LRRK2: variants seen among roughly 807,000 people sequenced by gnomAD.
LRRK2 encodes the protein leucine rich repeat kinase 2.
In LRRK2, 203 loss-of-function variants were observed where a neutral mutation model predicts 302.6. The ratio of observed to expected loss-of-function variants is 0.67; its 90% CI spans 0.60 to 0.75. The LOEUF is 0.75. Ranked by LOEUF, LRRK2 falls within the 30% of genes least tolerant of loss-of-function variation. The pLI is 0.00. For synonymous variants in LRRK2, 1,066 were observed against 1,031.9 expected (o/e 1.03, Z -0.63); for missense variants, 2,830 against 2,951.0 (o/e 0.96, Z 0.95).
In LRRK2 at chr12:40,309,156, T is replaced by A; in HGVS notation, c.4240T>A (p.Leu1414Met). Residue 1414 changes from leucine to methionine, a missense_variant, in exon 30 of 51, where the codon TTG becomes ATG. Leu to Met is a conservative substitution (Grantham distance 15). This residue lies in a region of LRRK2 where 2,121 missense variants were observed against 2,148.0 expected (regional missense o/e 0.99). Transcript: ENST00000298910. ...TCCCCATTTTATGACGCAGCGAGCA[T>A]TGTACCTTGCTGTCTATGACCTCAG... ...THPHFMTQRA[L>M]YLAVYDLSKG... The A allele has an allele frequency of 6.2e-7, 1 of 1,613,898 alleles. No individual in the cohort carries two copies. The highest frequency in any genetic ancestry group is 8.5e-7 in the Non-Finnish European group (1 of 1,179,854).
chr12:40,293,611 A>G lies in LRRK2; in HGVS notation c.2756A>G (p.Asp919Gly), dbSNP rs1312779682. 6.2e-7 allele frequency: 1 copy of G among 1,611,840 alleles called. No individual in the cohort carries two copies. Residue 919 changes from aspartate (D) to glycine (G), a missense_variant, in exon 21 of 51, where the codon GAT becomes GGT. Transcript: ENST00000298910. ...ATTAGTGTAGGAGAATTTTACCGAG[A>G]TGCCGTATTACAGCGTTGCTCACCA... ...NSISVGEFYR[D>G]AVLQRCSPNL...
chr12:40,334,875 C>A, intron 39 of LRRK2, 92 bp from the exon 40 acceptor site: 2 of 1,367,260 alleles, frequency 1.5e-6, no homozygotes, highest in South Asian at 1.2e-5. Context: ...ACAGAGAAAT[C>A]CATGTTCAGC....
chr12:40,244,964 G>GT (rs1941911972), intron 7 of LRRK2, among the ~76,000 whole-genome samples: 1 of 146,686 alleles, frequency 6.8e-6, no homozygotes, highest in South Asian at 2.1e-4. Context: ...AGTTTCAAAG[G>GT]TATCTCTGAA....
At chr12:40,328,224 A>T in intron 38 of LRRK2, 136 bp from the exon 39 acceptor site, 1 of 689,764 alleles carries the variant, frequency 1.4e-6, no homozygotes, top group South Asian at 1.7e-5. Flanking sequence ...ATGTTAAAGG[A>T]GATTTGATTC....
Position 40,278,277 on chromosome 12 carries a change from C to T in LRRK2, c.2241+16C>T, listed in dbSNP as rs1565705870. 1 of 1,613,946 alleles carries T rather than the reference C, an allele frequency of 6.2e-7. No homozygotes were observed. The highest frequency in any genetic ancestry group is 8.5e-7 in the Non-Finnish European group (1 of 1,179,882). On this transcript the variant is annotated intron_variant, in intron 18 of 50. Transcript: ENST00000298910. ...AATTTGTCAGGTAAATATTCAAGGC[C>T]TCACTTTTGTCTTTGCTCAGTATTC...
intron 38 of LRRK2, among the ~76,000 whole-genome samples, chr12:40,327,069 C>T (rs536498999): frequency 1.3e-5 from 2 of 152,292 alleles, no homozygotes; most frequent in African/African-American, 4.8e-5. Flanking sequence ...TGTGTATTCA[C>T]TTATATCCAT....
At chr12:40,226,758 T>A (rs1369213743) in intron 2 of LRRK2, among the ~76,000 whole-genome samples, 1 of 152,196 alleles carries the variant, frequency 6.6e-6, no homozygotes, top group Non-Finnish European at 1.5e-5. Context: ...AGACTCAAAG[T>A]CGGAATTTTG....
At chr12:40,307,602 T>G (rs560700675) in intron 28 of LRRK2, among the ~76,000 whole-genome samples, 1 of 151,894 alleles carries the variant, frequency 6.6e-6, no homozygotes, top group Non-Finnish European at 1.5e-5. Flanking sequence ...CATGAATATA[T>G]AGCTATACAT....
At chr12:40,365,838 A>T (rs920173064) in intron 49 of LRRK2, 1 of 151,916 alleles carries the variant, frequency 6.6e-6, no homozygotes, top group East Asian at 1.9e-4. Flanking sequence ...TTTCATTTAT[A>T]GACTTTAGAG....
chr12:40,255,414 T>C (rs984457584), intron 11 of LRRK2, among the ~76,000 whole-genome samples: 1 of 152,154 alleles, frequency 6.6e-6, no homozygotes, highest in South Asian at 2.1e-4. Flanking sequence ...TCAAGAGTAT[T>C]ACGTAGATAG....
intron 14 of LRRK2, among the ~76,000 whole-genome samples, chr12:40,264,904 T>C (rs908795260): frequency 2.0e-5 from 3 of 152,218 alleles, no homozygotes; most frequent in African/African-American, 7.2e-5. Flanking sequence ...AATTGGTTCT[T>C]TATTAAAGAT....
intron 42 of LRRK2, among the ~76,000 whole-genome samples, 157 bp downstream of exon 42, chr12:40,347,080 A>G (rs1398079012): frequency 6.6e-6 from 1 of 152,216 alleles, no homozygotes; most frequent in Non-Finnish European, 1.5e-5. Flanking sequence ...ATTAATAAAA[A>G]TCACCTGAAA....
intron 5 of LRRK2, among the ~76,000 whole-genome samples, chr12:40,238,383 G>T (rs1000641689): frequency 6.6e-6 from 1 of 152,068 alleles, no homozygotes; most frequent in African/African-American, 2.4e-5. Flanking sequence ...TGGATGTGTG[G>T]GTGCTATGAA....
intron 7 of LRRK2, among the ~76,000 whole-genome samples, chr12:40,248,538 G>T (rs550760673): frequency 3.9e-5 from 6 of 152,174 alleles, no homozygotes; most frequent in African/African-American, 1.4e-4. Context: ...AGAATTTATT[G>T]TTGCTGTTAT....
intron 14 of LRRK2, among the ~76,000 whole-genome samples, chr12:40,273,062 T>C (rs1943300627): frequency 6.6e-6 from 1 of 152,168 alleles, no homozygotes; most frequent in Non-Finnish European, 1.5e-5. Context: ...CATTTCATGC[T>C]TATAACAACC....
intron 39 of LRRK2, among the ~76,000 whole-genome samples, chr12:40,334,257 T>G (rs1299424968): frequency 2.0e-5 from 3 of 152,174 alleles, no homozygotes; most frequent in Non-Finnish European, 2.9e-5. Context: ...CTACACTGTG[T>G]GCACTGTTTC....
At chr12:40,359,978 T>C (rs766529553) in intron 47 of LRRK2, among the ~76,000 whole-genome samples, 1 of 152,184 alleles carries the variant, frequency 6.6e-6, no homozygotes, top group Admixed American at 6.5e-5. Context: ...TAAACCTCTT[T>C]CAAGTTTGCT....
chr12:40,263,828 ATAAG>A lies in LRRK2; in HGVS notation c.1584_1587del (p.Lys529Ter). 6.2e-7 allele frequency: 1 copy of A among 1,613,350 alleles called. No homozygotes were observed. Among genetic ancestry groups the A allele is most frequent in the Non-Finnish European group, 8.5e-7 (1 of 1,179,524 alleles). On this transcript the variant is annotated frameshift_variant, in exon 14 of 51. Transcript: ENST00000298910. LOFTEE classifies it high-confidence loss of function. ...TCCAGGGAGGATACAGAATTTCATC[ATAAG>A]CTAAATATGGTTAAAAAACAGTGTT...
chr12:40,366,910 T>A (rs963127135), intron 49 of LRRK2, 96 bp from the exon 50 acceptor site: 16 of 826,256 alleles, frequency 1.9e-5, no homozygotes, highest in Admixed American at 8.1e-5. Flanking sequence ...AGTTCCAAGG[T>A]ATTTGTGTCT....
Sources: gnomAD v4.1 joint callset for allele counts (sites outside exome capture counted in the v4.1 genomes callset) on GRCh38, gnomAD v4.1.1 for gene constraint, gnomAD v4.1.1 regional missense constraint, MANE v1.5 for transcripts, NCBI Gene and HGNC (gene_info 2026-07-23, HGNC 2026-07-21) for gene names.